LDB2: variants seen among roughly 807,000 people sequenced by gnomAD.
LDB2 encodes the protein LIM domain binding 2.
LDB2 carries 12 observed loss-of-function variants against 44.3 expected under a neutral mutation model. That is an observed-to-expected ratio of 0.27 (90% CI 0.17 to 0.44). The LOEUF (loss-of-function observed/expected upper bound fraction) is 0.44, where lower values mean the gene tolerates loss of function less well. LDB2 is among the 20% of genes least tolerant of loss of function. The pLI is 1.00. For synonymous variants in LDB2, 164 were observed against 174.8 expected, an observed-to-expected ratio of 0.94 and a Z score of 0.49; for missense variants, 344 against 473.5, an observed-to-expected ratio of 0.73 and a Z score of 2.54.
intron 1 of LDB2, among the ~76,000 whole-genome samples, chr4:16,790,929 G>A (rs879277584): frequency 1.3e-4 from 20 of 152,220 alleles, no homozygotes; most frequent in Admixed American, 1.3e-3. Flanking sequence ...GACTTAGGCT[G>A]TGTGGATGAG....
At chr4:16,641,550 T>C (rs1393755133) in intron 2 of LDB2, among the ~76,000 whole-genome samples, 1 of 152,074 alleles carries the variant, frequency 6.6e-6, no homozygotes, top group Non-Finnish European at 1.5e-5. Flanking sequence ...GTGCATCACA[T>C]GGCAAGAGAA....
At chr4:16,641,833 G>C (rs559929815) in intron 2 of LDB2, among the ~76,000 whole-genome samples, 2 of 152,252 alleles carry the variant, frequency 1.3e-5, no homozygotes, top group South Asian at 4.1e-4. Context: ...GACACACAGA[G>C]TCACATTGAA....
chr4:16,510,832 C>A (rs1014793622), intron 6 of LDB2, among the ~76,000 whole-genome samples: 7 of 152,068 alleles, frequency 4.6e-5, no homozygotes, highest in Non-Finnish European at 1.0e-4. Flanking sequence ...CCTAATAAAT[C>A]TCAATAAATA....
intron 1 of LDB2, among the ~76,000 whole-genome samples, chr4:16,805,676 C>T (rs1356846645): frequency 6.6e-6 from 1 of 152,144 alleles, no homozygotes; most frequent in Non-Finnish European, 1.5e-5. Flanking sequence ...GGAACCACTA[C>T]CTTGTTCTCA....
rs374893746 is a variant in LDB2 at position 16,863,289 on chromosome 4, T to G, written c.132+35065A>C. Among the ~76,000 whole-genome samples the G allele has an allele frequency of 1.6e-4, 25 of 152,176 alleles. No individual in the cohort carries two copies. The East Asian group carries it at 3.5e-3, about 21-fold the overall frequency. ...TTACCATGTTTTCTGCAATATCACC[T>G]CCCCCTTCTCCTCTCTTAGCTAGTG... On this transcript the variant is annotated intron_variant, in intron 1 of 7. Transcript: ENST00000304523.
At chr4:16,615,406 G>A (rs564152136) in intron 2 of LDB2, among the ~76,000 whole-genome samples, 87 of 152,268 alleles carry the variant, frequency 5.7e-4, no homozygotes, top group African/African-American at 1.9e-3. Flanking sequence ...ACATATATAC[G>A]ATGGAATGCT....
At chr4:16,823,205 T>C (rs1414625864) in intron 1 of LDB2, among the ~76,000 whole-genome samples, 1 of 152,194 alleles carries the variant, frequency 6.6e-6, no homozygotes, top group African/African-American at 2.4e-5. Flanking sequence ...CTGGGGATGA[T>C]TTACAAAGCC....
At chr4:16,809,741 C>CAAAA (rs5856387) in intron 1 of LDB2, among the ~76,000 whole-genome samples, 47 of 145,470 alleles carry the variant, frequency 3.2e-4, no homozygotes, top group South Asian at 1.6e-3. Context: ...AACAAACAAA[C>CAAAA]AAAAAAAAAA....
chr4:16,745,074 C>A (rs986489640), intron 2 of LDB2, among the ~76,000 whole-genome samples: 3 of 152,182 alleles, frequency 2.0e-5, no homozygotes, highest in Non-Finnish European at 4.4e-5. Flanking sequence ...CATATGGTAA[C>A]TGCAGGACAG....
rs1578471141 is a variant in LDB2 at position 16,649,621 on chromosome 4, A to G, written c.236-53746T>C. On this transcript the variant is annotated intron_variant, in intron 2 of 7. Transcript: ENST00000304523. ...TGCTTAGATTCCAGCTCTACCACTC[A>G]CTAGCCCTTAACTTCTGTACCTCAG... 2.0e-5 allele frequency among the ~76,000 whole-genome samples: 3 copies of G among 152,136 alleles called. No homozygotes were observed. The East Asian group carries it at 5.8e-4, about 29-fold the overall frequency.
At chr4:16,766,721 G>T (rs1769392445) in intron 1 of LDB2, among the ~76,000 whole-genome samples, 1 of 151,886 alleles carries the variant, frequency 6.6e-6, no homozygotes, top group Admixed American at 6.6e-5. Context: ...GGTCAAGCTG[G>T]TCCTGAACTC....
intron 2 of LDB2, chr4:16,674,324 A>G (rs1467218881): frequency 8.2e-7 from 1 of 1,220,554 alleles, no homozygotes; most frequent in Non-Finnish European, 1.1e-6. Context: ...GCACAACTGC[A>G]GAAAGACAGT....
intron 2 of LDB2, among the ~76,000 whole-genome samples, chr4:16,639,024 C>T (rs1169224301): frequency 6.6e-6 from 1 of 152,072 alleles, no homozygotes; most frequent in Non-Finnish European, 1.5e-5. Context: ...AGAGTAGTTG[C>T]AAAAATAACT....
At chr4:16,620,622 G>A (rs1180585972) in intron 2 of LDB2, among the ~76,000 whole-genome samples, 1 of 152,198 alleles carries the variant, frequency 6.6e-6, no homozygotes, top group Non-Finnish European at 1.5e-5. Flanking sequence ...GGTGAGAAGG[G>A]TGATGAAATC....
intron 1 of LDB2, among the ~76,000 whole-genome samples, chr4:16,884,746 A>G (rs1448174749): frequency 1.3e-5 from 2 of 152,202 alleles, no homozygotes; most frequent in Admixed American, 1.3e-4. Context: ...CATTAAACAA[A>G]TAAGCCACAA....
intron 2 of LDB2, among the ~76,000 whole-genome samples, chr4:16,753,885 C>A (rs1765959661): frequency 6.6e-6 from 1 of 152,186 alleles, no homozygotes; most frequent in Non-Finnish European, 1.5e-5. Flanking sequence ...GGAATCCAAT[C>A]TAATAAGAAC....
chr4:16,590,668 G>T (rs1718618451), intron 3 of LDB2, among the ~76,000 whole-genome samples: 1 of 152,226 alleles, frequency 6.6e-6, no homozygotes, highest in South Asian at 2.1e-4. Context: ...TCTTATCAAA[G>T]ATTTCAGAAA....
chr4:16,653,955 C>T (rs1192723394), intron 2 of LDB2: 31 of 152,188 alleles, frequency 2.0e-4, no homozygotes, highest in Non-Finnish European at 1.5e-5. Context: ...ATTTTCTAAA[C>T]CTCACATTAA....
intron 1 of LDB2, among the ~76,000 whole-genome samples, chr4:16,810,209 A>G (rs1279497010): frequency 6.6e-6 from 1 of 152,302 alleles, no homozygotes; most frequent in East Asian, 1.9e-4. Flanking sequence ...GTCACGGTGC[A>G]CAAGTCTGGC....
Sources: allele counts gnomAD v4.1 joint callset (sites outside exome capture counted in the v4.1 genomes callset), GRCh38; gene constraint gnomAD v4.1.1; transcripts MANE v1.5; gene names NCBI Gene and HGNC (gene_info 2026-07-23, HGNC 2026-07-21).